PCLO: variants seen among roughly 807,000 people sequenced by gnomAD.
The protein encoded by PCLO is protein piccolo.
PCLO carries 82 observed loss-of-function variants against 427.5 expected under a neutral mutation model. The ratio of observed to expected loss-of-function variants is 0.19; its 90% CI spans 0.16 to 0.23. The LOEUF (loss-of-function observed/expected upper bound fraction) is 0.23, where lower values mean the gene tolerates loss of function less well. Ranked by LOEUF, PCLO falls within the 10% of genes least tolerant of loss-of-function variation. The pLI, the probability that PCLO is intolerant of heterozygous loss-of-function variation, is 1.00. For synonymous variants in PCLO, 2,357 were observed against 2,155.4 expected (o/e 1.09, Z -2.59); for missense variants, 6,239 against 6,115.9 (o/e 1.02, Z -0.67).
chr7:82,819,961 A>T (rs1158768586), intron 20 of PCLO, among the ~76,000 whole-genome samples: 1 of 152,174 alleles, frequency 6.6e-6, no homozygotes, highest in East Asian at 1.9e-4. Flanking sequence ...TTTGAATTAA[A>T]TTTGAAGATA....
intron 3 of PCLO, among the ~76,000 whole-genome samples, chr7:83,115,505 T>C (rs1284740463): frequency 2.0e-5 from 3 of 152,096 alleles, no homozygotes; most frequent in East Asian, 1.9e-4. Flanking sequence ...AACCTTATTA[T>C]AGTATTTTAA....
At chr7:83,138,665 A>G (rs1791789011) in intron 2 of PCLO, among the ~76,000 whole-genome samples, 1 of 152,034 alleles carries the variant, frequency 6.6e-6, no homozygotes, top group Non-Finnish European at 1.5e-5. Context: ...GAAAAAAAAA[A>G]GAAGCAGCAG....
chr7:82,764,244 C>T (rs1287829467), intron 22 of PCLO, among the ~76,000 whole-genome samples: 1 of 151,740 alleles, frequency 6.6e-6, no homozygotes, highest in Non-Finnish European at 1.5e-5. Context: ...ACAAACCAGG[C>T]AGTCAATGGT....
chr7:83,063,756 ACCAT>A (rs1458215871), intron 3 of PCLO, among the ~76,000 whole-genome samples: 7 of 152,074 alleles, frequency 4.6e-5, no homozygotes, highest in African/African-American at 1.4e-4. Flanking sequence ...TTGAAATGCC[ACCAT>A]TCTGTATCTA....
At chr7:82,815,996 T>A (rs1037822058) in intron 20 of PCLO, among the ~76,000 whole-genome samples, 3 of 152,130 alleles carry the variant, frequency 2.0e-5, no homozygotes, top group African/African-American at 7.2e-5. Flanking sequence ...TTGGTTTCAT[T>A]TGAAAATTCA....
intron 6 of PCLO, among the ~76,000 whole-genome samples, chr7:82,931,958 G>A (rs1400909397): frequency 1.3e-5 from 2 of 152,108 alleles, no homozygotes; most frequent in Non-Finnish European, 2.9e-5. Context: ...GTATGTGGTA[G>A]AGGGCAGAAT....
In PCLO at chr7:82,835,085, T is replaced by C. The variant is rs749644597; in HGVS notation, c.14249+582A>G. On this transcript the variant is annotated intron_variant, in intron 16 of 24. Transcript: ENST00000333891. ...TCAGCCTCCCAAGTAGCTGGGACTA[T>C]AGGTGTCCGCCACCATGCCTAGCTA... 4.5e-4 allele frequency among the ~76,000 whole-genome samples: 68 copies of C among 152,002 alleles called. 1 individual carries two copies. Among genetic ancestry groups the C allele is most frequent in the South Asian group, 6.2e-4 (3 of 4,820 alleles).
intron 3 of PCLO, among the ~76,000 whole-genome samples, chr7:83,106,691 A>G (rs1200082698): frequency 6.6e-6 from 1 of 151,832 alleles, no homozygotes; most frequent in Admixed American, 6.6e-5. Context: ...AAAGGAAAAT[A>G]TAAGTATGTT....
At chr7:82,979,310 T>C (rs1338308843) in intron 3 of PCLO, among the ~76,000 whole-genome samples, 1 of 152,168 alleles carries the variant, frequency 6.6e-6, no homozygotes, top group Non-Finnish European at 1.5e-5. Context: ...TATTGAATAT[T>C]CTGATGTCGT....
intron 3 of PCLO, among the ~76,000 whole-genome samples, chr7:82,994,732 A>T (rs971177988): frequency 2.0e-5 from 3 of 152,030 alleles, no homozygotes; most frequent in African/African-American, 7.2e-5. Flanking sequence ...CATTTTCAAA[A>T]TATCACTTGA....
At chr7:83,091,064 T>C (rs938440808) in intron 3 of PCLO, among the ~76,000 whole-genome samples, 27 of 152,164 alleles carry the variant, frequency 1.8e-4, no homozygotes, top group South Asian at 2.1e-4. Flanking sequence ...CCACCTATTT[T>C]AGTTTCCTAG....
At chr7:83,128,497 T>C (rs1791495511) in intron 3 of PCLO, among the ~76,000 whole-genome samples, 1 of 152,084 alleles carries the variant, frequency 6.6e-6, no homozygotes, top group Admixed American at 6.6e-5. Flanking sequence ...AGAAAAACAG[T>C]AGCATACATG....
chr7:83,152,193 T>C (rs1792154331), intron 2 of PCLO, among the ~76,000 whole-genome samples: 1 of 151,894 alleles, frequency 6.6e-6, no homozygotes, highest in South Asian at 2.1e-4. Flanking sequence ...CTCAATCTCC[T>C]GACCTCGTGA....
intron 2 of PCLO, among the ~76,000 whole-genome samples, chr7:83,140,763 A>G (rs542135092): frequency 3.3e-5 from 5 of 152,266 alleles, no homozygotes; most frequent in Admixed American, 3.3e-4. Flanking sequence ...GTCTCTCACA[A>G]TTACAACATC....
intron 3 of PCLO, among the ~76,000 whole-genome samples, chr7:83,019,465 AT>A (rs1225540856): frequency 6.6e-6 from 1 of 151,724 alleles, no homozygotes; most frequent in Non-Finnish European, 1.5e-5. Flanking sequence ...TTTTAAGGAA[AT>A]AATATAATTA....
At chr7:82,996,757 G>A (rs971898364) in intron 3 of PCLO, among the ~76,000 whole-genome samples, 4 of 151,892 alleles carry the variant, frequency 2.6e-5, no homozygotes, top group Non-Finnish European at 4.4e-5. Context: ...AGATACTATA[G>A]TGACTTTCTC....
intron 3 of PCLO, among the ~76,000 whole-genome samples, chr7:83,017,105 C>T (rs1562920962): frequency 1.3e-5 from 2 of 151,796 alleles, no homozygotes; most frequent in Non-Finnish European, 2.9e-5. Context: ...AAATGATTTA[C>T]TAAAGAATCA....
intron 3 of PCLO, among the ~76,000 whole-genome samples, chr7:83,040,107 A>C (rs1210935351): frequency 1.3e-5 from 2 of 152,190 alleles, no homozygotes; most frequent in East Asian, 1.9e-4. Flanking sequence ...TTTGCTGAGA[A>C]TATAGGTCAT....
intron 3 of PCLO, among the ~76,000 whole-genome samples, chr7:83,032,906 G>A (rs372770905): frequency 1.3e-5 from 2 of 152,206 alleles, no homozygotes; most frequent in African/African-American, 2.4e-5. Context: ...ATCTCATCTC[G>A]AATTGTAATC....
Sources: allele counts gnomAD v4.1 joint callset (sites outside exome capture counted in the v4.1 genomes callset), GRCh38; gene constraint gnomAD v4.1.1; transcripts MANE v1.5; gene names NCBI Gene and HGNC (gene_info 2026-07-23, HGNC 2026-07-21).